The following RPA1 variants were observed in gnomAD, a reference collection of about 807,000 sequenced individuals.
RPA1 encodes the protein replication protein A 70 kDa DNA-binding subunit.
RPA1 carries 49 observed loss-of-function variants against 83.0 expected under a neutral mutation model. The ratio of observed to expected loss-of-function variants is 0.59; its 90% CI spans 0.47 to 0.75. The LOEUF is 0.75. Ranked by LOEUF, RPA1 falls within the 30% of genes least tolerant of loss-of-function variation. The probability of loss-of-function intolerance (pLI) is 0.00; values close to 1 mark genes in which losing one functional copy is unlikely to be tolerated. For missense variants in RPA1, 693 were observed against 776.1 expected, an observed-to-expected ratio of 0.89 and a Z score of 1.27; for synonymous variants, 279 against 281.8, an observed-to-expected ratio of 0.99 and a Z score of 0.10.
chr17:1,851,582 T>C (rs1354305580), intron 4 of RPA1, among the ~76,000 whole-genome samples: 1 of 152,222 alleles, frequency 6.6e-6, no homozygotes, highest in East Asian at 1.9e-4. Context: ...CTTGCTGATA[T>C]TTTATTTAGG....
chr17:1,860,064 G>A (rs1422806054), intron 5 of RPA1, among the ~76,000 whole-genome samples: 1 of 150,464 alleles, frequency 6.6e-6, no homozygotes, highest in African/African-American at 2.5e-5. Flanking sequence ...GCCCGCCTCA[G>A]CCTCCCAAAG....
chr17:1,861,181 A>G (rs1912949124), intron 5 of RPA1, among the ~76,000 whole-genome samples: 2 of 151,716 alleles, frequency 1.3e-5, no homozygotes, highest in Non-Finnish European at 2.9e-5. Flanking sequence ...CCTGCCACCC[A>G]TTTCTGGAGT....
chr17:1,879,127 C>A (rs1913676045), intron 9 of RPA1, 66 bp downstream of exon 9: 1 of 1,609,930 alleles, frequency 6.2e-7, no homozygotes, highest in Admixed American at 1.7e-5. Context: ...AAGACGCTGG[C>A]CCAGGGGAGG....
chr17:1,878,323 A>G (rs17338857), intron 8 of RPA1, among the ~76,000 whole-genome samples: 5,053 of 152,226 alleles, frequency 0.033, 123 homozygotes, highest in Middle Eastern at 0.071. Context: ...AAATAGGGAG[A>G]AAAAAATAGA....
chr17:1,885,311 C>G (rs550609413), intron 13 of RPA1, among the ~76,000 whole-genome samples: 1 of 152,274 alleles, frequency 6.6e-6, no homozygotes, highest in East Asian at 1.9e-4. Flanking sequence ...TTTTCAGGCT[C>G]CATTTGTAAT....
intron 5 of RPA1, chr17:1,872,106 T>C (rs1366222112): frequency 6.4e-6 from 2 of 312,172 alleles, no homozygotes; most frequent in African/African-American, 2.1e-5. Context: ...ATAGTGGTAA[T>C]GTCACAGATT....
chr17:1,875,896 A>AT, intron 7 of RPA1, 103 bp downstream of exon 7: 3 of 1,171,620 alleles, frequency 2.6e-6, no homozygotes, highest in Non-Finnish European at 3.4e-6. Context: ...TCACCACCAA[A>AT]TACCACCAAA....
chr17:1,846,686 C>T (rs866803085), intron 4 of RPA1, among the ~76,000 whole-genome samples: 2 of 152,120 alleles, frequency 1.3e-5, no homozygotes, highest in Non-Finnish European at 2.9e-5. Flanking sequence ...TTCTTTTCAA[C>T]GAAGTTTTTC....
intron 1 of RPA1, among the ~76,000 whole-genome samples, chr17:1,834,134 T>C (rs1027435545): frequency 6.6e-6 from 1 of 152,162 alleles, no homozygotes; most frequent in African/African-American, 2.4e-5. Context: ...GAGCCGAGAT[T>C]GCACCAGTGC....
chr17:1,853,297 G>C (rs983491091), intron 5 of RPA1, 108 bp downstream of exon 5: 1 of 833,368 alleles, frequency 1.2e-6, no homozygotes, highest in Non-Finnish European at 2.0e-6. Flanking sequence ...TAAAATGATA[G>C]TGATTCTGAG....
chr17:1,857,448 T>G (rs1912746364), intron 5 of RPA1, among the ~76,000 whole-genome samples: 1 of 152,022 alleles, frequency 6.6e-6, no homozygotes, highest in African/African-American at 2.4e-5. Context: ...CTATATATTT[T>G]CTCCTCAAAA....
At chr17:1,890,367 AAAAT>A (rs1416885044) in intron 14 of RPA1, among the ~76,000 whole-genome samples, 2 of 151,768 alleles carry the variant, frequency 1.3e-5, no homozygotes, top group Non-Finnish European at 2.9e-5. Flanking sequence ...CTGTCTTTAA[AAAAT>A]AAATAAATAG....
chr17:1,857,016 G>A (rs770171799), intron 5 of RPA1, among the ~76,000 whole-genome samples: 5 of 150,866 alleles, frequency 3.3e-5, no homozygotes, highest in Admixed American at 1.3e-4. Flanking sequence ...TTTTTTTCTC[G>A]TTTCTTAAGG....
At position 1,874,007 on chromosome 17, in the gene RPA1, AAAAAAATAT is replaced by A. The variant is rs1226301554; in HGVS notation, c.454+1483_454+1491del. ...GACTCTGTCTCAAAAAAAAAAAAAA[AAAAAAATAT>A]ATATATATATATATATACACACACA... is the stretch of plus-strand genomic sequence containing the variant. On this transcript the variant is annotated intron_variant, in intron 6 of 16. Transcript: ENST00000254719. Among the ~76,000 whole-genome samples the A allele has an allele frequency of 3.5e-4, 36 of 101,982 alleles. 1 individual carries two copies. Among genetic ancestry groups the A allele is most frequent in the African/African-American group, 1.6e-3 (33 of 20,820 alleles). 66.9% of individuals were successfully genotyped at this position (101,982 alleles called of 152,430 possible). A position where few individuals can be genotyped will look rare whatever the true frequency, so the allele number is the denominator to read the frequency against.
intron 14 of RPA1, chr17:1,891,588 T>A (rs1234592596): frequency 1.3e-5 from 3 of 224,430 alleles, no homozygotes; most frequent in Non-Finnish European, 2.6e-5. Context: ...CCTGGCTAAT[T>A]TTTGTATTTT....
Position 1,874,185 on chromosome 17 carries a change from A to T in RPA1, c.455-1476A>T, listed in dbSNP as rs560972270. Among the ~76,000 whole-genome samples, 22 of 151,626 alleles carry T rather than the reference A, an allele frequency of 1.5e-4. No individual in the cohort carries two copies. The South Asian group carries it at 4.6e-3, about 32-fold the overall frequency. Reference sequence around the variant, plus strand: ...CACAGAATTATTTTTCTGGTTGTCTATCTTTGCCTTATGTTAAAATATATT... The same window carrying T: ...CACAGAATTATTTTTCTGGTTGTCTTTCTTTGCCTTATGTTAAAATATATT... On this transcript the variant is annotated intron_variant, in intron 6 of 16. Transcript: ENST00000254719.
intron 4 of RPA1, among the ~76,000 whole-genome samples, chr17:1,846,714 T>TG (rs1276346649): frequency 6.6e-6 from 1 of 152,198 alleles, no homozygotes; most frequent in Non-Finnish European, 1.5e-5. Context: ...TATTCCTTAA[T>TG]GTTGTTTTCT....
intron 14 of RPA1, 99 bp from the exon 15 acceptor site, chr17:1,891,732 TTA>T: frequency 3.7e-6 from 3 of 807,562 alleles, no homozygotes; most frequent in Non-Finnish European, 5.7e-6. Flanking sequence ...TCTCTGGAAA[TTA>T]TTTTAATAAG....
intron 4 of RPA1, among the ~76,000 whole-genome samples, chr17:1,846,885 T>A (rs1912285344): frequency 6.6e-6 from 1 of 152,192 alleles, no homozygotes; most frequent in Non-Finnish European, 1.5e-5. Context: ...TACTCCTCAA[T>A]CTTTATAAAT....
Sources: allele counts gnomAD v4.1 joint callset (sites outside exome capture counted in the v4.1 genomes callset), GRCh38; gene constraint gnomAD v4.1.1; transcripts MANE v1.5; gene names NCBI Gene and HGNC (gene_info 2026-07-23, HGNC 2026-07-21).